Variants in SUGCT observed in about 807,000 individuals in gnomAD.
SUGCT encodes succinyl-CoA:glutarate CoA-transferase.
Under a neutral mutation model 55.0 loss-of-function variants are expected in SUGCT, and 41 were observed. The ratio of observed to expected loss-of-function variants is 0.74; its 90% CI spans 0.58 to 0.97. The LOEUF is 0.97. SUGCT is among the 50% of genes least tolerant of loss of function. The pLI, the probability that SUGCT is intolerant of heterozygous loss-of-function variation, is 0.00. For missense variants in SUGCT, 568 were observed against 547.8 expected (o/e 1.04, Z -0.37); for synonymous variants, 187 against 200.4 (o/e 0.93, Z 0.56).
rs79581297 is a variant in SUGCT at position 40,360,384 on chromosome 7, C to T, written c.816+43529C>T. Among the ~76,000 whole-genome samples the T allele has an allele frequency of 1.3e-5, 2 of 152,270 alleles. 1 individual carries two copies. Among genetic ancestry groups the T allele is most frequent in the East Asian group, 3.9e-4 (2 of 5,194 alleles). ...GTTTGAAGAGGGTTAATGCAAATTT[C>T]ATTGAGATTTGTGAAGAAGGAATAC... is the stretch of plus-strand genomic sequence containing the variant. On this transcript the variant is annotated intron_variant, in intron 9 of 13. Coordinates refer to ENST00000335693, the MANE Select transcript of SUGCT (RefSeq NM_001193313.2).
rs111844183 is a variant in SUGCT at position 40,302,758 on chromosome 7, T to C, written c.721-14002T>C. ...TATTAACTGATTACAGACATAATTA[T>C]GAGAGTGACGTTGCATTGTACAGGA... On this transcript the variant is annotated intron_variant, in intron 8 of 13. Transcript: ENST00000335693. Among the ~76,000 whole-genome samples, 543 of 152,326 alleles carry C rather than the reference T, an allele frequency of 3.6e-3. 2 individuals carry two copies. The highest frequency in any genetic ancestry group is 0.012 in the African/African-American group (494 of 41,574).
At chr7:40,840,896 G>C (rs925374109) in intron 13 of SUGCT, among the ~76,000 whole-genome samples, 1 of 61,736 alleles carries the variant, frequency 1.6e-5, no homozygotes, top group Admixed American at 1.6e-4. Context: ...CATGTATTTG[G>C]GTGTTTTTTT....
intron 12 of SUGCT, 79 bp from the exon 13 acceptor site, chr7:40,749,355 A>G: frequency 9.1e-7 from 1 of 1,097,780 alleles, no homozygotes; most frequent in Non-Finnish European, 1.4e-6. Context: ...TGTCGACTGA[A>G]TAGATGGCTG....
intron 9 of SUGCT, among the ~76,000 whole-genome samples, chr7:40,441,319 A>G (rs901096147): frequency 1.6e-4 from 25 of 152,184 alleles, no homozygotes; most frequent in Middle Eastern, 3.4e-3. Context: ...TCATTTTGCT[A>G]TTTTATCCTC....
chr7:40,278,216 C>T (rs988803970), intron 8 of SUGCT, among the ~76,000 whole-genome samples: 1 of 152,070 alleles, frequency 6.6e-6, no homozygotes, highest in African/African-American at 2.4e-5. Flanking sequence ...CAAATCAAAA[C>T]CACAGTGAGA....
At chr7:41,025,529 C>A in the SUGCT span, among the ~76,000 whole-genome samples, 10 of 151,884 alleles carry the variant, frequency 6.6e-5, no homozygotes, top group African/African-American at 2.4e-4. Flanking sequence ...ACCACCACTA[C>A]TAAAAATAGT....
chr7:40,592,631 G>T (rs1241455264), intron 12 of SUGCT, among the ~76,000 whole-genome samples: 1 of 152,148 alleles, frequency 6.6e-6, no homozygotes, highest in Non-Finnish European at 1.5e-5. Flanking sequence ...AGTGCCAGGG[G>T]CTTTCTGATT....
intron 12 of SUGCT, among the ~76,000 whole-genome samples, chr7:40,736,195 ATATAATATATCAATATATAATATAT>A (rs953954089): frequency 4.1e-5 from 6 of 147,422 alleles, no homozygotes; most frequent in East Asian, 2.0e-4. Context: ...ATTTATCAAT[ATATAATATATCAATATATAATATAT>A]TATAATATAT....
chr7:40,395,280 G>A (rs1302304265), intron 9 of SUGCT, among the ~76,000 whole-genome samples: 1 of 151,964 alleles, frequency 6.6e-6, no homozygotes, highest in Non-Finnish European at 1.5e-5. Context: ...CCTGAGGTCA[G>A]GAGTTTGAGA....
At chr7:40,289,157 T>G (rs992854010) in intron 8 of SUGCT, among the ~76,000 whole-genome samples, 4 of 152,108 alleles carry the variant, frequency 2.6e-5, no homozygotes, top group African/African-American at 9.7e-5. Flanking sequence ...TAGATGTGAT[T>G]AAATTAAAGA....
At chr7:40,926,209 A>T in the SUGCT span, among the ~76,000 whole-genome samples, 1 of 152,154 alleles carries the variant, frequency 6.6e-6, no homozygotes, top group South Asian at 2.1e-4. Flanking sequence ...AGGACCATCC[A>T]TGTTACTCAA....
intron 12 of SUGCT, among the ~76,000 whole-genome samples, chr7:40,709,503 C>A (rs1785593970): frequency 6.6e-6 from 1 of 152,202 alleles, no homozygotes; most frequent in Admixed American, 6.5e-5. Context: ...GGCTGTATTG[C>A]CCTGCAAGGA....
In SUGCT at chr7:40,272,089, C is replaced by A. The variant is rs1031777601; in HGVS notation, c.577-2424C>A. 5.4e-3 allele frequency among the ~76,000 whole-genome samples: 553 copies of A among 102,546 alleles called. 6 individuals carry two copies. The highest frequency in any genetic ancestry group is 0.017 in the East Asian group (67 of 3,956). 67.3% of individuals were successfully genotyped at this position (102,546 alleles called of 152,430 possible). A position where few individuals can be genotyped will look rare whatever the true frequency, so the allele number is the denominator to read the frequency against. Reference sequence around the variant, plus strand: ...TCTCGCTCTCTCTCTCTCTCTCTCTCTCTCTCTATATATATATATATATGG... The same window carrying A: ...TCTCGCTCTCTCTCTCTCTCTCTCTATCTCTCTATATATATATATATATGG... On this transcript the variant is annotated intron_variant, in intron 7 of 13. Coordinates refer to ENST00000335693, the MANE Select transcript of SUGCT (RefSeq NM_001193313.2).
intron 12 of SUGCT, chr7:40,499,192 A>G (rs1445262991): frequency 2.2e-6 from 1 of 451,948 alleles, no homozygotes; most frequent in Non-Finnish European, 4.5e-6. Flanking sequence ...GGTGAAGTAC[A>G]AGGCCTGGAA....
chr7:40,187,944 C>T (rs1785628595), intron 3 of SUGCT, among the ~76,000 whole-genome samples: 1 of 151,648 alleles, frequency 6.6e-6, no homozygotes, highest in Admixed American at 6.6e-5. Context: ...GCGGGTGGAT[C>T]ATTTGAAGTC....
intron 7 of SUGCT, among the ~76,000 whole-genome samples, chr7:40,252,357 G>C (rs1470051210): frequency 2.2e-4 from 33 of 152,068 alleles, no homozygotes; most frequent in Admixed American, 2.2e-3. Context: ...GGGCTCAAGC[G>C]ATCTGCCTGC....
the SUGCT span, among the ~76,000 whole-genome samples, chr7:40,888,496 C>G: frequency 1.3e-5 from 2 of 151,020 alleles, no homozygotes; most frequent in African/African-American, 4.9e-5. Flanking sequence ...AACCCAAGAT[C>G]AGGTTTTCCA....
At chr7:40,184,241 GT>G (rs1339641858) in intron 3 of SUGCT, among the ~76,000 whole-genome samples, 1 of 152,016 alleles carries the variant, frequency 6.6e-6, no homozygotes, top group East Asian at 1.9e-4. Context: ...CACAGTCCAT[GT>G]TTTTTAATGT....
intron 11 of SUGCT, among the ~76,000 whole-genome samples, chr7:40,494,010 G>A (rs943109755): frequency 6.6e-6 from 1 of 152,182 alleles, no homozygotes; most frequent in African/African-American, 2.4e-5. Flanking sequence ...AGCTCCCGCA[G>A]TCTCATTTCC....
Sources: allele counts gnomAD v4.1 joint callset (sites outside exome capture counted in the v4.1 genomes callset), GRCh38; gene constraint gnomAD v4.1.1; transcripts MANE v1.5; gene names NCBI Gene and HGNC (gene_info 2026-07-23, HGNC 2026-07-21).